The following MARCHF7 variants were observed in gnomAD, a reference collection of about 807,000 sequenced individuals.
The protein encoded by MARCHF7 is membrane associated ring-CH-type finger 7, also known as E3 ubiquitin-protein ligase MARCHF7.
Under a neutral mutation model 76.5 loss-of-function variants are expected in MARCHF7, and 20 were observed. That is an observed-to-expected ratio of 0.26 (90% confidence interval 0.18 to 0.38). The LOEUF (loss-of-function observed/expected upper bound fraction) is 0.38. Ranked by LOEUF, MARCHF7 falls within the 10% of genes least tolerant of loss-of-function variation. The probability of loss-of-function intolerance (pLI) is 1.00; values close to 1 mark genes in which losing one functional copy is unlikely to be tolerated. For synonymous variants in MARCHF7, 295 were observed against 293.0 expected (o/e 1.01, Z -0.07); for missense variants, 797 against 812.9 (o/e 0.98, Z 0.24).
intron 3 of MARCHF7, among the ~76,000 whole-genome samples, chr2:159,726,234 GTTT>G (rs1702153118): frequency 2.2e-5 from 1 of 44,990 alleles, no homozygotes; most frequent in Non-Finnish European, 4.5e-5. Flanking sequence ...GTTTTGTTTT[GTTT>G]TGTTTTGTTT....
chr2:159,751,983 G>T lies in MARCHF7; in HGVS notation c.1614-419G>T, dbSNP rs370372688. ...ATTTGAGGGGAGGCAAGGGGCAAAA[G>T]TGATAAGTTTATCTTACCTTTATAC... On this transcript the variant is annotated intron_variant, in intron 7 of 11. Transcript: ENST00000409175. Among the ~76,000 whole-genome samples the T allele has an allele frequency of 2.2e-4, 34 of 152,278 alleles. No homozygotes were observed. In the East Asian group the frequency reaches 3.1e-3, roughly 14 times the overall value.
At chr2:159,719,010 A>G (rs1298988741) in intron 3 of MARCHF7, among the ~76,000 whole-genome samples, 1 of 152,082 alleles carries the variant, frequency 6.6e-6, no homozygotes, top group Admixed American at 6.6e-5. Flanking sequence ...TTATTTTCAG[A>G]AAGTGTCTCA....
intron 5 of MARCHF7, among the ~76,000 whole-genome samples, chr2:159,743,645 T>G (rs1471784296): frequency 6.6e-6 from 1 of 152,102 alleles, no homozygotes; most frequent in Non-Finnish European, 1.5e-5. Context: ...ATAATATTTA[T>G]TTTCAGAAAA....
At position 159,747,723 on chromosome 2, in the gene MARCHF7, C is replaced by A; in HGVS notation, c.515-82C>A. ...AGTATTAAGTTTGAATCCAGTGCTTCGTTTTGGCATTCAACATAATAAATG... is the reference window on the plus strand; with the variant it reads ...AGTATTAAGTTTGAATCCAGTGCTTAGTTTTGGCATTCAACATAATAAATG... On this transcript the variant is annotated intron_variant, in intron 6 of 11. Transcript: ENST00000409175. 1.5e-6 allele frequency: 2 copies of A among 1,334,116 alleles called. 1 individual carries two copies. The highest frequency in any genetic ancestry group is 3.0e-5 in the South Asian group (2 of 67,218). The allele number at this position is 1,334,116 out of a possible 1,614,324, so 82.6% of individuals were successfully genotyped here. A position where few individuals can be genotyped will look rare whatever the true frequency, so the allele number is the denominator to read the frequency against.
rs1339326372 is a variant in MARCHF7, at chr2:159,756,934, C to T, written c.1784-2292C>T. Among the ~76,000 whole-genome samples, 3 of 152,124 alleles carry T rather than the reference C, an allele frequency of 2.0e-5. No individual in the cohort carries two copies. The East Asian group carries it at 5.8e-4, about 29-fold the overall frequency. ...TTTGAGACGGAGTCTTGTTCTGTCA[C>T]CAGGCTGGAGTGCAGTGGCACAATC... On this transcript the variant is annotated intron_variant, in intron 8 of 11. Coordinates refer to ENST00000409175, the MANE Select transcript of MARCHF7 (RefSeq NM_001282805.2).
chr2:159,752,973 T>C (rs1247716236), intron 8 of MARCHF7, among the ~76,000 whole-genome samples: 1 of 152,200 alleles, frequency 6.6e-6, no homozygotes, highest in African/African-American at 2.4e-5. Flanking sequence ...TGGGGATTTA[T>C]TTGTTCATTG....
In MARCHF7 at chr2:159,768,417, T is replaced by G. The variant is rs1319784610; in HGVS notation, c.*1075T>G. On this transcript the variant is annotated 3_prime_UTR_variant, in exon 12 of 12. Coordinates refer to ENST00000409175, the MANE Select transcript of MARCHF7 (RefSeq NM_001282805.2). ...CTGTCAGTACCCTTAGGATACACTT[T>G]AAAACACCTTAAGGTCTGATGTTAT... is the stretch of plus-strand genomic sequence containing the variant. The G allele has an allele frequency of 6.6e-6, 1 of 152,622 alleles. No individual in the cohort carries two copies. The highest frequency in any genetic ancestry group is 2.4e-5 in the African/African-American group (1 of 41,456). 9.5% of individuals were successfully genotyped at this position (152,622 alleles called of 1,614,324 possible).
chr2:159,746,463 A>G (rs140496179), intron 6 of MARCHF7, among the ~76,000 whole-genome samples: 131 of 152,344 alleles, frequency 8.6e-4, no homozygotes, highest in African/African-American at 2.9e-3. Context: ...GTGCAATGGC[A>G]CGACGTCAGC....
At chr2:159,714,894 C>G (rs971243050) in intron 2 of MARCHF7, among the ~76,000 whole-genome samples, 1 of 152,108 alleles carries the variant, frequency 6.6e-6, no homozygotes, top group Non-Finnish European at 1.5e-5. Flanking sequence ...GCACTCCAGC[C>G]TGCACCACAG....
chr2:159,765,613 A>G (rs1707675865), intron 11 of MARCHF7, among the ~76,000 whole-genome samples: 1 of 152,216 alleles, frequency 6.6e-6, no homozygotes, highest in East Asian at 1.9e-4. Context: ...TATAGTGTGC[A>G]TAACATTTTT....
intron 7 of MARCHF7, among the ~76,000 whole-genome samples, chr2:159,751,968 A>T (rs1230371157): frequency 1.3e-5 from 2 of 152,150 alleles, no homozygotes; most frequent in African/African-American, 2.4e-5. Context: ...ATTTGAGGGG[A>T]GGCAAGGGGC....
intron 4 of MARCHF7, among the ~76,000 whole-genome samples, chr2:159,732,326 T>C (rs1342358715): frequency 6.6e-6 from 1 of 152,182 alleles, no homozygotes; most frequent in East Asian, 1.9e-4. Flanking sequence ...TAAGATAAAT[T>C]ATTTTTATAA....
intron 4 of MARCHF7, chr2:159,732,869 T>C (rs75544372): frequency 0.065 from 63,735 of 984,770 alleles, 2,157 homozygotes; most frequent in East Asian, 0.1. Flanking sequence ...TGTGAAATGG[T>C]GATAGTGATA....
At chr2:159,740,453 C>T (rs1314858188) in intron 4 of MARCHF7, among the ~76,000 whole-genome samples, 1 of 152,072 alleles carries the variant, frequency 6.6e-6, no homozygotes, top group Non-Finnish European at 1.5e-5. Context: ...TTTAGATGTC[C>T]TACTGGTCAA....
At chr2:159,742,557 A>G (rs1037507071) in intron 4 of MARCHF7, among the ~76,000 whole-genome samples, 5 of 152,090 alleles carry the variant, frequency 3.3e-5, no homozygotes, top group Admixed American at 3.3e-4. Flanking sequence ...ATAAAAAAAA[A>G]GGACTTACTC....
intron 3 of MARCHF7, among the ~76,000 whole-genome samples, chr2:159,725,507 T>A (rs1250380779): frequency 1.3e-5 from 2 of 152,072 alleles, no homozygotes; most frequent in Admixed American, 1.3e-4. Flanking sequence ...GTTCATATCC[T>A]TCGCCCACTT....
chr2:159,724,087 C>G (rs1274501390), intron 3 of MARCHF7, among the ~76,000 whole-genome samples: 2 of 152,106 alleles, frequency 1.3e-5, no homozygotes, highest in African/African-American at 4.8e-5. Flanking sequence ...TGTTTTTGGT[C>G]GTTGTGTTTT....
intron 9 of MARCHF7, among the ~76,000 whole-genome samples, chr2:159,761,644 T>C (rs1482957489): frequency 6.6e-6 from 1 of 151,826 alleles, no homozygotes; most frequent in African/African-American, 2.4e-5. Flanking sequence ...ACTCCTGACC[T>C]CAAGTGATCC....
intron 8 of MARCHF7, among the ~76,000 whole-genome samples, chr2:159,758,491 A>T (rs1489165067): frequency 6.6e-6 from 1 of 152,212 alleles, no homozygotes; most frequent in Non-Finnish European, 1.5e-5. Context: ...GTAACTCCTT[A>T]CTTCCTATTC....
Sources: allele counts gnomAD v4.1 joint callset (sites outside exome capture counted in the v4.1 genomes callset), GRCh38; gene constraint gnomAD v4.1.1; transcripts MANE v1.5; gene names NCBI Gene and HGNC (gene_info 2026-07-23, HGNC 2026-07-21).